EIF4EBP2: variants seen among roughly 807,000 people sequenced by gnomAD.
EIF4EBP2 encodes eukaryotic translation initiation factor 4E-binding protein 2.
A neutral mutation model predicts 10.3 loss-of-function variants in EIF4EBP2; 5 were observed. The ratio of observed to expected loss-of-function variants is 0.48; its 90% CI spans 0.25 to 1.02. The LOEUF is 1.02. Ranked by LOEUF, EIF4EBP2 falls within the 50% of genes least tolerant of loss-of-function variation. The pLI, the probability that EIF4EBP2 is intolerant of heterozygous loss-of-function variation, is 0.15. For missense variants in EIF4EBP2, 188 were observed against 162.2 expected, an observed-to-expected ratio of 1.16 and a Z score of -0.86; for synonymous variants, 67 against 61.1, an observed-to-expected ratio of 1.10 and a Z score of -0.45.
At chr10:70,420,839 G>A (rs1845148657) in intron 2 of EIF4EBP2, among the ~76,000 whole-genome samples, 3 of 152,146 alleles carry the variant, frequency 2.0e-5, no homozygotes, top group Non-Finnish European at 4.4e-5. Context: ...CTGTTGCCCA[G>A]GCTGGAGTGC....
chr10:70,410,071 TTTTC>T (rs1381489749), intron 1 of EIF4EBP2, among the ~76,000 whole-genome samples: 2 of 152,160 alleles, frequency 1.3e-5, no homozygotes, highest in African/African-American at 2.4e-5. Flanking sequence ...CTGCTTTTTT[TTTTC>T]TTTCTTTCTT....
chr10:70,416,584 A>AG (rs1162916280), intron 1 of EIF4EBP2, among the ~76,000 whole-genome samples: 1 of 149,390 alleles, frequency 6.7e-6, no homozygotes, highest in Non-Finnish European at 1.5e-5. Flanking sequence ...TCTCAAAAAA[A>AG]AAAAAAAAAA....
intron 1 of EIF4EBP2, among the ~76,000 whole-genome samples, chr10:70,406,672 G>A (rs1167149118): frequency 6.6e-6 from 1 of 150,818 alleles, no homozygotes; most frequent in Non-Finnish European, 1.5e-5. Context: ...GCCTGGATTA[G>A]TTCTTAAAGT....
chr10:70,418,264 C>T (rs979270308), intron 1 of EIF4EBP2, among the ~76,000 whole-genome samples: 8 of 152,236 alleles, frequency 5.3e-5, no homozygotes, highest in African/African-American at 1.9e-4. Context: ...CAGAAACCAT[C>T]CATGCTGGCA....
At position 70,426,163 on chromosome 10, in the gene EIF4EBP2, TTC is replaced by T. The variant is rs1845204443; in HGVS notation, c.*4418_*4419del. ...ACATGAAGTTTTTCAGTTTAAGACA[TTC>T]TAGTGAATGGCTGCTATGTGTTTCT... is the stretch of plus-strand genomic sequence containing the variant. On this transcript the variant is annotated 3_prime_UTR_variant, in exon 3 of 3. Coordinates refer to ENST00000373218, the MANE Select transcript of EIF4EBP2 (RefSeq NM_004096.5). 1 of 152,250 alleles carries T rather than the reference TTC, an allele frequency of 6.6e-6. No homozygotes were observed. The highest frequency in any genetic ancestry group is 1.5e-5 in the Non-Finnish European group (1 of 68,044). The allele number at this position is 152,250 out of a possible 1,614,324, so 9.4% of individuals were successfully genotyped here.
rs1845138921 is a variant in EIF4EBP2 at position 70,420,095 on chromosome 10, A to G, written c.327A>G (p.Ala109=). Residue 109 remains alanine (A), a synonymous_variant, in exon 2 of 3, where the codon GCA becomes GCG. Transcript: ENST00000373218. ...TGAACAATCACGACAGGAAACATGC[A>G]GTTGGTAAGAGAATGGCGATGTTGG... ...NNLNNHDRKH[A]VGDDAQFEMD... 1.9e-6 allele frequency: 3 copies of G among 1,599,700 alleles called. No homozygotes were observed. The highest frequency in any genetic ancestry group is 1.3e-5 in the African/African-American group (1 of 74,302).
chr10:70,417,553 T>C (rs1016003056), intron 1 of EIF4EBP2, among the ~76,000 whole-genome samples: 1 of 152,218 alleles, frequency 6.6e-6, no homozygotes, highest in African/African-American at 2.4e-5. Flanking sequence ...GTCATAGAGG[T>C]TCTTCAGAGT....
intron 2 of EIF4EBP2, among the ~76,000 whole-genome samples, chr10:70,421,200 C>T (rs1845154069): frequency 6.6e-6 from 1 of 152,178 alleles, no homozygotes; most frequent in Admixed American, 6.5e-5. Flanking sequence ...TAAATTACCC[C>T]TCCTCCAACA....
chr10:70,416,054 T>C (rs1401342942), intron 1 of EIF4EBP2, among the ~76,000 whole-genome samples: 2 of 151,960 alleles, frequency 1.3e-5, no homozygotes, highest in Non-Finnish European at 2.9e-5. Flanking sequence ...CATTGAAAAA[T>C]GGGTAAAGGT....
At chr10:70,420,777 A>G (rs958150075) in intron 2 of EIF4EBP2, among the ~76,000 whole-genome samples, 11 of 152,074 alleles carry the variant, frequency 7.2e-5, no homozygotes, top group African/African-American at 1.9e-4. Flanking sequence ...CCCTCAGGCA[A>G]ATAGACCTTG....
At position 70,422,050 on chromosome 10, in the gene EIF4EBP2, T is replaced by A; in HGVS notation, c.*303T>A. 2 of 378,516 alleles carry A rather than the reference T, an allele frequency of 5.3e-6. No homozygotes were observed. The highest frequency in any genetic ancestry group is 9.6e-6 in the Non-Finnish European group (2 of 207,314). 23.4% of individuals were successfully genotyped at this position (378,516 alleles called of 1,614,324 possible). Reference sequence around the variant, plus strand: ...AGTTCAACTCTGACTTTCCTAGTTGTTTTTTTATTGAGAGCCACCCTCATA... The same window carrying A: ...AGTTCAACTCTGACTTTCCTAGTTGATTTTTTATTGAGAGCCACCCTCATA... On this transcript the variant is annotated 3_prime_UTR_variant, in exon 3 of 3. Coordinates refer to ENST00000373218, the MANE Select transcript of EIF4EBP2 (RefSeq NM_004096.5).
intron 1 of EIF4EBP2, among the ~76,000 whole-genome samples, chr10:70,409,021 C>T (rs1845013735): frequency 6.6e-6 from 1 of 152,064 alleles, no homozygotes; most frequent in Non-Finnish European, 1.5e-5. Context: ...GACCGAATGC[C>T]CTAAATGATC....
chr10:70,410,772 A>G (rs1167259475), intron 1 of EIF4EBP2, among the ~76,000 whole-genome samples: 2 of 152,224 alleles, frequency 1.3e-5, no homozygotes, highest in Non-Finnish European at 2.9e-5. Context: ...AGTGCATTAG[A>G]AGCACTTGCT....
At chr10:70,404,830 C>T (rs886214261) in intron 1 of EIF4EBP2, among the ~76,000 whole-genome samples, 1 of 152,262 alleles carries the variant, frequency 6.6e-6, no homozygotes. Flanking sequence ...CCAGTTCTCT[C>T]TCTCCTCTCT....
intron 1 of EIF4EBP2, among the ~76,000 whole-genome samples, chr10:70,415,148 AC>A (rs1360592207): frequency 6.7e-6 from 1 of 150,114 alleles, no homozygotes; most frequent in African/African-American, 2.5e-5. Context: ...ACAGAGCAAG[AC>A]CCTCTCTCGA....
rs1844944362 is a variant in EIF4EBP2 at position 70,404,273 on chromosome 10, G to C, written c.-129G>C. ...CGGCGGCGGGAGCGGAGCGGGACGA[G>C]GGAACGGGAGGAAGCGAGCGAGGAG... On this transcript the variant is annotated 5_prime_UTR_variant, in exon 1 of 3. Transcript: ENST00000373218. 4 of 1,226,068 alleles carry C rather than the reference G, an allele frequency of 3.3e-6. No homozygotes were observed. Among genetic ancestry groups the C allele is most frequent in the Middle Eastern group, 2.9e-4 (1 of 3,450 alleles). 75.9% of individuals were successfully genotyped at this position (1,226,068 alleles called of 1,614,324 possible). A position where few individuals can be genotyped will look rare whatever the true frequency, so the allele number is the denominator to read the frequency against.
At chr10:70,412,568 A>G (rs181851387) in intron 1 of EIF4EBP2, among the ~76,000 whole-genome samples, 240 of 152,326 alleles carry the variant, frequency 1.6e-3, no homozygotes, top group Non-Finnish European at 3.0e-3. Flanking sequence ...GTATTGAAAG[A>G]GGCCGTTACG....
intron 1 of EIF4EBP2, among the ~76,000 whole-genome samples, chr10:70,412,135 A>G (rs1000229945): frequency 6.6e-6 from 1 of 152,162 alleles, no homozygotes; most frequent in Non-Finnish European, 1.5e-5. Flanking sequence ...TGAGATGTAA[A>G]GGAAGTCTGC....
chr10:70,409,920 A>G (rs1486891430), intron 1 of EIF4EBP2, among the ~76,000 whole-genome samples: 2 of 152,180 alleles, frequency 1.3e-5, no homozygotes, highest in African/African-American at 4.8e-5. Flanking sequence ...GATAGTTGAT[A>G]TGATTGGTTC....
Sources: allele counts gnomAD v4.1 joint callset (sites outside exome capture counted in the v4.1 genomes callset), GRCh38; gene constraint gnomAD v4.1.1; transcripts MANE v1.5; gene names NCBI Gene and HGNC (gene_info 2026-07-23, HGNC 2026-07-21).